BANK1: variants seen among roughly 807,000 people sequenced by gnomAD.
BANK1 encodes the protein B cell scaffold protein with ankyrin repeats 1.
Under a neutral mutation model 94.5 loss-of-function variants are expected in BANK1, and 95 were observed. The ratio of observed to expected loss-of-function variants is 1.00; its 90% confidence interval spans 0.85 to 1.19. BANK1 has a LOEUF of 1.19. BANK1 is among the 50% of genes most tolerant of loss of function. The pLI is 0.00. For synonymous variants in BANK1, 334 were observed against 308.4 expected, an observed-to-expected ratio of 1.08 and a Z score of -0.87; for missense variants, 987 against 932.2, an observed-to-expected ratio of 1.06 and a Z score of -0.77.
intron 10 of BANK1, among the ~76,000 whole-genome samples, chr4:102,030,541 G>A (rs923071686): frequency 7.9e-5 from 12 of 151,700 alleles, no homozygotes; most frequent in East Asian, 1.9e-4. Flanking sequence ...CCATCAACCC[G>A]TCACCTACAT....
chr4:102,068,991 T>C (rs1468147929), intron 13 of BANK1, among the ~76,000 whole-genome samples: 1 of 152,218 alleles, frequency 6.6e-6, no homozygotes, highest in African/African-American at 2.4e-5. Context: ...TGTACAATTC[T>C]CACTTTTAGA....
intron 7 of BANK1, among the ~76,000 whole-genome samples, chr4:101,969,254 A>C (rs945671326): frequency 4.6e-5 from 7 of 152,120 alleles, no homozygotes; most frequent in Non-Finnish European, 1.0e-4. Context: ...TAAAAAAATC[A>C]AACTAGAAAG....
intron 10 of BANK1, among the ~76,000 whole-genome samples, chr4:102,035,206 G>T (rs1727462154): frequency 6.6e-6 from 1 of 152,122 alleles, no homozygotes; most frequent in African/African-American, 2.4e-5. Context: ...AATTTGAAGG[G>T]AAGAGCCCAC....
intron 10 of BANK1, among the ~76,000 whole-genome samples, chr4:102,037,846 A>G (rs997440256): frequency 1.3e-5 from 2 of 152,190 alleles, no homozygotes; most frequent in African/African-American, 4.8e-5. Flanking sequence ...GATGGAAGGT[A>G]TTCTGTAGAC....
chr4:101,969,690 A>G (rs1724890295), intron 7 of BANK1, among the ~76,000 whole-genome samples: 1 of 152,110 alleles, frequency 6.6e-6, no homozygotes, highest in African/African-American at 2.4e-5. Context: ...ATACATGTGC[A>G]GATGATGTCT....
intron 7 of BANK1, among the ~76,000 whole-genome samples, chr4:101,948,069 T>C (rs1372550456): frequency 6.6e-6 from 1 of 152,156 alleles, no homozygotes; most frequent in Admixed American, 6.6e-5. Flanking sequence ...CACTGCAATT[T>C]AACATGTTAA....
intron 7 of BANK1, among the ~76,000 whole-genome samples, chr4:101,994,849 C>T (rs1725822589): frequency 6.6e-6 from 1 of 152,076 alleles, no homozygotes; most frequent in Admixed American, 6.6e-5. Context: ...AGCTGAGAAG[C>T]CAATCATTTT....
At position 101,895,343 on chromosome 4, in the gene BANK1, A is replaced by G. The variant is rs746632394; in HGVS notation, c.942A>G (p.Ile314Met). 1.3e-6 allele frequency: 2 copies of G among 1,595,700 alleles called. No individual in the cohort carries two copies. Among genetic ancestry groups the G allele is most frequent in the Non-Finnish European group, 1.7e-6 (2 of 1,171,550 alleles). ...AACTTGATGGTGTCCTTACATCCAT[A>G]TTCAAACATGAGATACCATATTATG... ...IEELDGVLTS[I>M]FKHEIPYYEF... is the part of the protein sequence containing the mutation. The change falls in exon 6 of 17, where the codon ATA (isoleucine) becomes ATG (methionine). Residue 314 changes from isoleucine (I) to methionine (M), a missense_variant. Coordinates refer to ENST00000322953, the MANE Select transcript of BANK1 (RefSeq NM_017935.5).
chr4:101,798,100 G>A (rs1725221064), intron 1 of BANK1, among the ~76,000 whole-genome samples: 1 of 152,156 alleles, frequency 6.6e-6, no homozygotes, highest in Non-Finnish European at 1.5e-5. Flanking sequence ...CTTTTGATAG[G>A]TCAGGCAAAT....
chr4:102,018,492 G>T (rs1332452669), intron 7 of BANK1, among the ~76,000 whole-genome samples: 1 of 152,164 alleles, frequency 6.6e-6, no homozygotes, highest in African/African-American at 2.4e-5. Flanking sequence ...AGAATATTAT[G>T]ATCAATTTGT....
chr4:102,061,249 G>T (rs1728409114), intron 12 of BANK1, among the ~76,000 whole-genome samples: 1 of 152,104 alleles, frequency 6.6e-6, no homozygotes, highest in African/African-American at 2.4e-5. Flanking sequence ...CAATAAAAAA[G>T]AATCAAAATA....
At chr4:101,949,250 T>C (rs1724049235) in intron 7 of BANK1, among the ~76,000 whole-genome samples, 1 of 152,108 alleles carries the variant, frequency 6.6e-6, no homozygotes, top group Admixed American at 6.6e-5. Flanking sequence ...ACATGTTATC[T>C]TGAAGAACAC....
intron 4 of BANK1, among the ~76,000 whole-genome samples, chr4:101,865,459 C>T (rs1251247159): frequency 6.6e-6 from 1 of 152,030 alleles, no homozygotes; most frequent in Non-Finnish European, 1.5e-5. Context: ...CCCATGGAAC[C>T]TCTGGTGGGG....
intron 7 of BANK1, among the ~76,000 whole-genome samples, chr4:101,933,083 A>T (rs1723412337): frequency 6.6e-6 from 1 of 151,394 alleles, no homozygotes. Flanking sequence ...TACACTGCAA[A>T]CTCTCTTCCT....
chr4:101,964,236 GT>G (rs1724669879), intron 7 of BANK1, among the ~76,000 whole-genome samples: 1 of 152,030 alleles, frequency 6.6e-6, no homozygotes, highest in Admixed American at 6.6e-5. Flanking sequence ...ATGGACTAAA[GT>G]TTGGTGGGCC....
At chr4:102,010,100 C>G (rs1726441407) in intron 7 of BANK1, among the ~76,000 whole-genome samples, 1 of 131,634 alleles carries the variant, frequency 7.6e-6, no homozygotes, top group Non-Finnish European at 1.8e-5. Flanking sequence ...CCCGTCTCTA[C>G]TAAAAATACA....
intron 1 of BANK1, among the ~76,000 whole-genome samples, chr4:101,791,532 T>C (rs930865687): frequency 1.3e-5 from 2 of 152,216 alleles, no homozygotes; most frequent in Non-Finnish European, 2.9e-5. Flanking sequence ...CAGAAGTAGA[T>C]TTATATTTTC....
intron 2 of BANK1, among the ~76,000 whole-genome samples, chr4:101,850,090 A>G (rs1303208743): frequency 6.6e-6 from 1 of 152,220 alleles, no homozygotes; most frequent in African/African-American, 2.4e-5. Context: ...ATCACTGGAT[A>G]GGGATTATAT....
chr4:102,013,140 C>A (rs1333296899), intron 7 of BANK1, among the ~76,000 whole-genome samples: 1 of 152,120 alleles, frequency 6.6e-6, no homozygotes, highest in Non-Finnish European at 1.5e-5. Flanking sequence ...ATCTGGTACA[C>A]CCCGTTGTTA....
Sources: gnomAD v4.1 joint callset for allele counts (sites outside exome capture counted in the v4.1 genomes callset) on GRCh38, gnomAD v4.1.1 for gene constraint, MANE v1.5 for transcripts, NCBI Gene and HGNC (gene_info 2026-07-23, HGNC 2026-07-21) for gene names.